The following TRPM3 variants were observed in gnomAD, a reference collection of about 807,000 sequenced individuals.
TRPM3 encodes long transient receptor potential channel 3.
A neutral mutation model predicts 181.2 loss-of-function variants in TRPM3; 77 were observed. The ratio of observed to expected loss-of-function variants is 0.42; its 90% CI spans 0.35 to 0.51. TRPM3 has a LOEUF of 0.51. TRPM3 is among the 20% of genes least tolerant of loss of function. The probability of loss-of-function intolerance (pLI) is 0.01; values close to 1 mark genes in which losing one functional copy is unlikely to be tolerated. For missense variants in TRPM3, 1,759 were observed against 2,196.7 expected (o/e 0.80, Z 3.98); for synonymous variants, 745 against 796.4 (o/e 0.94, Z 1.09).
intron 1 of TRPM3, among the ~76,000 whole-genome samples, chr9:71,279,907 A>C (rs1221984744): frequency 1.3e-5 from 2 of 152,014 alleles, no homozygotes; most frequent in African/African-American, 4.8e-5. Flanking sequence ...GTGAAACCCC[A>C]TCTCTACTAA....
chr9:71,118,387 C>T (rs1355618375), intron 1 of TRPM3, among the ~76,000 whole-genome samples: 1 of 152,190 alleles, frequency 6.6e-6, no homozygotes, highest in African/African-American at 2.4e-5. Flanking sequence ...CGGCCTTCCC[C>T]TTCTAATTCT....
chr9:70,539,698 C>A (rs140151202), intron 25 of TRPM3, among the ~76,000 whole-genome samples: 23 of 152,258 alleles, frequency 1.5e-4, no homozygotes, highest in Non-Finnish European at 3.1e-4. Context: ...ATAAACATAG[C>A]CCAAGAAACA....
chr9:71,201,289 C>A (rs543640262), intron 1 of TRPM3, among the ~76,000 whole-genome samples: 138 of 152,280 alleles, frequency 9.1e-4, no homozygotes, highest in Admixed American at 2.0e-3. Flanking sequence ...CGACCTTTCT[C>A]TCTGGCTGCC....
At chr9:71,091,820 T>G (rs1339187410) in intron 1 of TRPM3, among the ~76,000 whole-genome samples, 2 of 152,130 alleles carry the variant, frequency 1.3e-5, no homozygotes, top group African/African-American at 4.8e-5. Context: ...GAGCATCATC[T>G]AGTATTTGAA....
At chr9:71,215,406 G>A (rs926564445) in intron 1 of TRPM3, among the ~76,000 whole-genome samples, 2 of 152,146 alleles carry the variant, frequency 1.3e-5, no homozygotes, top group Non-Finnish European at 2.9e-5. Flanking sequence ...AGTTAAGTTA[G>A]ACTTGGGGGC....
chr9:70,878,830 C>T (rs1352781473), intron 1 of TRPM3, among the ~76,000 whole-genome samples: 2 of 151,964 alleles, frequency 1.3e-5, no homozygotes, highest in Non-Finnish European at 2.9e-5. Context: ...TCATAGGCCC[C>T]CAACGGAAGA....
In TRPM3 at chr9:71,029,470, C is replaced by CA. The variant is rs747597798; in HGVS notation, c.177+91707dup. ...TAAAGGCTACATCTTGAAAGATGAA[C>CA]AAAAAATAAAATAACACCAAATTAA... On this transcript the variant is annotated intron_variant, in intron 1 of 25. Transcript: ENST00000677713. Among the ~76,000 whole-genome samples, 258 of 152,006 alleles carry CA rather than the reference C, an allele frequency of 1.7e-3. 3 individuals are homozygous for CA. Among genetic ancestry groups the CA allele is most frequent in the Non-Finnish European group, 6.6e-4 (45 of 67,948 alleles).
At chr9:70,617,963 T>G in intron 17 of TRPM3, among the ~76,000 whole-genome samples, 1 of 151,976 alleles carries the variant, frequency 6.6e-6, no homozygotes, top group South Asian at 2.1e-4. Flanking sequence ...AGACCTTGTC[T>G]CAAAAACAAA....
chr9:70,775,288 G>A (rs1183460942), intron 7 of TRPM3: 2 of 152,230 alleles, frequency 1.3e-5, no homozygotes, highest in Admixed American at 6.5e-5. Context: ...AGAGAGGCTA[G>A]TTTGTGAAAC....
chr9:71,314,674 C>A (rs1321570964), intron 1 of TRPM3, among the ~76,000 whole-genome samples: 2 of 152,000 alleles, frequency 1.3e-5, no homozygotes, highest in Non-Finnish European at 2.9e-5. Flanking sequence ...AGCAGTGAGG[C>A]CACAGGTTAG....
chr9:70,681,480 C>T (rs1197885401), intron 9 of TRPM3, 26 bp downstream of exon 9: 19 of 1,599,868 alleles, frequency 1.2e-5, no homozygotes, highest in Non-Finnish European at 1.5e-5. Flanking sequence ...ATTATTTTCA[C>T]ACTCTCTGGA....
chr9:71,205,611 C>T (rs1041866223), intron 1 of TRPM3, among the ~76,000 whole-genome samples: 2 of 152,060 alleles, frequency 1.3e-5, no homozygotes. Flanking sequence ...AGGACACAGA[C>T]AAAATAAAAG....
chr9:70,532,590 T>C lies in TRPM3; in HGVS notation c.*3363A>G, dbSNP rs956434123. ...GGGCCCTCTAACTATAAATATAAAG[T>C]ATATTGGTTAAGCAGGAGACCTCCA... On this transcript the variant is annotated 3_prime_UTR_variant, in exon 26 of 26. Coordinates refer to ENST00000677713, the MANE Select transcript of TRPM3 (RefSeq NM_001366145.2). 2 of 152,096 alleles carry C rather than the reference T, an allele frequency of 1.3e-5. No individual in the cohort carries two copies. The highest frequency in any genetic ancestry group is 4.8e-5 in the African/African-American group (2 of 41,428). The allele number at this position is 152,096 out of a possible 1,614,324, so 9.4% of individuals were successfully genotyped here. A position where few individuals can be genotyped will look rare whatever the true frequency, so the allele number is the denominator to read the frequency against.
At chr9:70,613,519 A>G (rs2062290407) in intron 18 of TRPM3, among the ~76,000 whole-genome samples, 1 of 152,174 alleles carries the variant, frequency 6.6e-6, no homozygotes, top group Non-Finnish European at 1.5e-5. Flanking sequence ...AATGAGCTGC[A>G]CTCTGCAGTT....
At chr9:71,199,853 T>A (rs1262479958) in intron 1 of TRPM3, among the ~76,000 whole-genome samples, 1 of 151,998 alleles carries the variant, frequency 6.6e-6, no homozygotes, top group African/African-American at 2.4e-5. Context: ...TTTGAAGGGT[T>A]TTTTGTGTCT....
chr9:70,875,943 C>T (rs1426473815), intron 1 of TRPM3, among the ~76,000 whole-genome samples: 2 of 151,772 alleles, frequency 1.3e-5, no homozygotes, highest in Non-Finnish European at 2.9e-5. Context: ...AGGCATTTTT[C>T]TGTCAAATTA....
At chr9:71,441,794 A>C (rs1212521822) in intron 1 of TRPM3, among the ~76,000 whole-genome samples, 1 of 151,710 alleles carries the variant, frequency 6.6e-6, no homozygotes. Flanking sequence ...TACCACCCCC[A>C]GCCAATTTTT....
At chr9:71,268,982 G>C (rs1346440902) in intron 1 of TRPM3, among the ~76,000 whole-genome samples, 1 of 152,128 alleles carries the variant, frequency 6.6e-6, no homozygotes, top group Non-Finnish European at 1.5e-5. Flanking sequence ...TGTATACAAA[G>C]GAGTAAAGAC....
intron 1 of TRPM3, among the ~76,000 whole-genome samples, chr9:71,115,705 C>T (rs988989085): frequency 2.0e-5 from 3 of 152,126 alleles, no homozygotes; most frequent in Non-Finnish European, 1.5e-5. Context: ...TGCAGTGGCC[C>T]CTGGACTTGG....
Sources: gnomAD v4.1 joint callset for allele counts (sites outside exome capture counted in the v4.1 genomes callset) on GRCh38, gnomAD v4.1.1 for gene constraint, MANE v1.5 for transcripts, NCBI Gene and HGNC (gene_info 2026-07-23, HGNC 2026-07-21) for gene names.